The following CTNNA1 variants were observed in gnomAD, a reference collection of about 807,000 sequenced individuals.
CTNNA1 encodes catenin alpha-1.
In CTNNA1, 37 loss-of-function variants were observed where a neutral mutation model predicts 98.4. The observed-to-expected ratio is 0.38, with a 90% CI of 0.29 to 0.49. The LOEUF (loss-of-function observed/expected upper bound fraction) is 0.49. Ranked by LOEUF, CTNNA1 falls within the 20% of genes least tolerant of loss-of-function variation. The probability of loss-of-function intolerance (pLI) is 0.95; values close to 1 mark genes in which losing one functional copy is unlikely to be tolerated. For synonymous variants in CTNNA1, 404 were observed against 413.2 expected, an observed-to-expected ratio of 0.98 and a Z score of 0.27; for missense variants, 761 against 1,147.2, an observed-to-expected ratio of 0.66 and a Z score of 4.86.
chr5:138,835,029 A>G (rs531513965), intron 7 of CTNNA1, among the ~76,000 whole-genome samples: 51 of 152,136 alleles, frequency 3.4e-4, no homozygotes, highest in Non-Finnish European at 6.5e-4. Context: ...TCTTAAGGGC[A>G]GGGGAGGATA....
chr5:138,913,595 A>AG (rs1761122304), intron 10 of CTNNA1, among the ~76,000 whole-genome samples: 1 of 152,110 alleles, frequency 6.6e-6, no homozygotes, highest in East Asian at 1.9e-4. Context: ...AAAAAAAAAA[A>AG]AAAATTCAGT....
At chr5:138,907,759 G>A (rs1759587531) in intron 10 of CTNNA1, among the ~76,000 whole-genome samples, 1 of 152,136 alleles carries the variant, frequency 6.6e-6, no homozygotes, top group Non-Finnish European at 1.5e-5. Context: ...TTTATAGTAA[G>A]GCTACTGTTG....
chr5:138,912,295 A>T (rs1760822508), intron 10 of CTNNA1, among the ~76,000 whole-genome samples: 1 of 152,150 alleles, frequency 6.6e-6, no homozygotes, highest in East Asian at 1.9e-4. Flanking sequence ...AAAAGATTAG[A>T]TGAGATTGCC....
At chr5:138,877,379 A>G (rs1054447933) in intron 7 of CTNNA1, among the ~76,000 whole-genome samples, 2 of 151,920 alleles carry the variant, frequency 1.3e-5, no homozygotes, top group Admixed American at 1.3e-4. Context: ...CTGCTGTTCT[A>G]CAGGAACTTG....
At chr5:138,860,020 G>T (rs1764113953) in intron 7 of CTNNA1, among the ~76,000 whole-genome samples, 1 of 152,138 alleles carries the variant, frequency 6.6e-6, no homozygotes, top group African/African-American at 2.4e-5. Flanking sequence ...ATGCGTGTGT[G>T]TGTGTGTTTA....
chr5:138,860,906 C>T (rs1027515094), intron 7 of CTNNA1, among the ~76,000 whole-genome samples: 1 of 152,178 alleles, frequency 6.6e-6, no homozygotes, highest in African/African-American at 2.4e-5. Flanking sequence ...TCCCATTTGC[C>T]TGCAGGAGTG....
chr5:138,760,131 A>T (rs1437530832), intron 1 of CTNNA1, among the ~76,000 whole-genome samples: 1 of 149,382 alleles, frequency 6.7e-6, no homozygotes, highest in African/African-American at 2.5e-5. Context: ...AGTAGCTGGG[A>T]TACAGGCATG....
chr5:138,911,466 C>G (rs989459232), intron 10 of CTNNA1, among the ~76,000 whole-genome samples: 7 of 152,026 alleles, frequency 4.6e-5, no homozygotes, highest in Admixed American at 2.6e-4. Flanking sequence ...GGACCCCCCC[C>G]CAATATAATC....
At chr5:138,787,246 C>T (rs768311117) in intron 3 of CTNNA1, among the ~76,000 whole-genome samples, 18 of 152,108 alleles carry the variant, frequency 1.2e-4, no homozygotes, top group Admixed American at 3.3e-4. Context: ...CTGGCTAACA[C>T]GGTGAAACCC....
chr5:138,878,298 G>A (rs761801519), intron 7 of CTNNA1, among the ~76,000 whole-genome samples: 13 of 152,172 alleles, frequency 8.5e-5, no homozygotes, highest in Non-Finnish European at 1.8e-4. Flanking sequence ...CTTAAAATTG[G>A]TAGAGTGCAG....
At chr5:138,861,013 C>T (rs925042370) in intron 7 of CTNNA1, among the ~76,000 whole-genome samples, 3 of 152,208 alleles carry the variant, frequency 2.0e-5, no homozygotes, top group Non-Finnish European at 2.9e-5. Context: ...TGTCAAGGCA[C>T]TCCTGAACAC....
chr5:138,778,470 C>A (rs1267965304), intron 1 of CTNNA1, among the ~76,000 whole-genome samples: 1 of 152,022 alleles, frequency 6.6e-6, no homozygotes, highest in Non-Finnish European at 1.5e-5. Context: ...GGTTTGTGTC[C>A]TTATTAGGGA....
chr5:138,800,814 G>A (rs1452642294), intron 3 of CTNNA1, among the ~76,000 whole-genome samples: 2 of 151,680 alleles, frequency 1.3e-5, no homozygotes, highest in Admixed American at 6.6e-5. Context: ...AAAAAAAAAA[G>A]TGCAACAGAA....
chr5:138,800,184 C>T (rs917211163), intron 3 of CTNNA1, among the ~76,000 whole-genome samples: 14 of 152,138 alleles, frequency 9.2e-5, no homozygotes, highest in Non-Finnish European at 1.6e-4. Context: ...GTAGCTGCTA[C>T]AGCAGCAAGC....
intron 11 of CTNNA1, among the ~76,000 whole-genome samples, chr5:138,920,199 C>G (rs1056794890): frequency 1.3e-5 from 2 of 152,090 alleles, no homozygotes; most frequent in Non-Finnish European, 2.9e-5. Flanking sequence ...AGGCTTGTCT[C>G]AAACTCCTGA....
chr5:138,768,598 T>TGTGTTGCTTAGGC (rs1422396966), intron 1 of CTNNA1, among the ~76,000 whole-genome samples: 3 of 131,470 alleles, frequency 2.3e-5, no homozygotes, highest in African/African-American at 8.5e-5. Context: ...GGAGTCTTGC[T>TGTGTTGCTTAGGC]GTGTTGCTTA....
Position 138,874,801 on chromosome 5 carries a change from A to C in CTNNA1, c.1063-11411A>C. 1 of 1,166,382 alleles carries C rather than the reference A, an allele frequency of 8.6e-7. No homozygotes were observed. The highest frequency in any genetic ancestry group is 2.1e-5 in the Admixed American group (1 of 48,356). 72.3% of individuals were successfully genotyped at this position (1,166,382 alleles called of 1,614,324 possible). A position where few individuals can be genotyped will look rare whatever the true frequency, so the allele number is the denominator to read the frequency against. On this transcript the variant is annotated intron_variant, in intron 7 of 17. Transcript: ENST00000302763. This position sits in a 1 kb window ranked among gnomAD's most constrained non-coding sequence, Gnocchi z 4.1. ...TATATGCTTTTACCTAAACCTCAAA[A>C]TCCAAAATATGATGGTGATTTCCCT...
At chr5:138,805,049 G>T (rs1396634092) in intron 3 of CTNNA1, among the ~76,000 whole-genome samples, 2 of 152,148 alleles carry the variant, frequency 1.3e-5, no homozygotes, top group Non-Finnish European at 2.9e-5. Flanking sequence ...CTAACATGGT[G>T]GGGAGGAGCA....
At chr5:138,922,508 T>C (rs899741054) in intron 11 of CTNNA1, among the ~76,000 whole-genome samples, 34 of 152,256 alleles carry the variant, frequency 2.2e-4, no homozygotes, top group African/African-American at 6.8e-4. Context: ...TGGACTGTTA[T>C]ATGTATGTGT....
Sources: allele counts gnomAD v4.1 joint callset (sites outside exome capture counted in the v4.1 genomes callset), GRCh38; gene constraint gnomAD v4.1.1; non-coding constraint Gnocchi (gnomAD v3.1); transcripts MANE v1.5; gene names NCBI Gene and HGNC (gene_info 2026-07-23, HGNC 2026-07-21).